Variants in POLR2B observed in about 807,000 individuals in gnomAD.
POLR2B encodes the protein RNA polymerase II subunit B.
POLR2B carries 57 observed loss-of-function variants against 144.6 expected under a neutral mutation model. The ratio of observed to expected loss-of-function variants is 0.39; its 90% CI spans 0.32 to 0.49. POLR2B has a LOEUF of 0.49. Ranked by LOEUF, POLR2B falls within the 20% of genes least tolerant of loss-of-function variation. POLR2B has a pLI of 0.83. For missense variants in POLR2B, 595 were observed against 1,467.4 expected (o/e 0.41, Z 9.71); for synonymous variants, 442 against 469.8 (o/e 0.94, Z 0.77).
At chr4:57,027,731 G>C (rs949754766) in intron 23 of POLR2B, among the ~76,000 whole-genome samples, 4 of 152,208 alleles carry the variant, frequency 2.6e-5, no homozygotes, top group African/African-American at 9.7e-5. Flanking sequence ...AAGTTCATTG[G>C]TTTGTCTTGT....
chr4:57,009,158 G>A (rs942898825), intron 10 of POLR2B, among the ~76,000 whole-genome samples: 2 of 152,204 alleles, frequency 1.3e-5, no homozygotes, highest in African/African-American at 2.4e-5. Context: ...GTAAGACTTT[G>A]TGATTGATTA....
intron 1 of POLR2B, among the ~76,000 whole-genome samples, chr4:56,983,258 C>A (rs926543505): frequency 6.6e-6 from 1 of 151,630 alleles, no homozygotes; most frequent in African/African-American, 2.4e-5. Flanking sequence ...ATTATGGGGT[C>A]TTTTGCACAA....
At chr4:57,025,113 T>C in intron 22 of POLR2B, 114 bp downstream of exon 22, 5 of 639,388 alleles carry the variant, frequency 7.8e-6, no homozygotes, top group Middle Eastern at 4.0e-4. Flanking sequence ...CATATAGAAA[T>C]GTACAGCTTG....
At position 57,017,547 on chromosome 4, in the gene POLR2B, T is replaced by A. The variant is rs1338160781; in HGVS notation, c.2155-13T>A. The A allele has an allele frequency of 6.4e-7, 1 of 1,565,888 alleles. No homozygotes were observed. The highest frequency in any genetic ancestry group is 1.4e-5 in the African/African-American group (1 of 72,528). ...AACTTTTTGTTGTTTCTGCTTTTCA[T>A]TTTTACGTTTAGTCCCCTAGAAACA... On this transcript the variant is annotated splice_polypyrimidine_tract_variant and intron_variant, in intron 15 of 24. Transcript: ENST00000314595. This position sits in a 1 kb window ranked among gnomAD's most constrained non-coding sequence, Gnocchi z 4.8.
chr4:57,013,205 G>A (rs1723249073), intron 13 of POLR2B, among the ~76,000 whole-genome samples: 1 of 152,096 alleles, frequency 6.6e-6, no homozygotes, highest in Admixed American at 6.6e-5. Flanking sequence ...TTGAAGTCCT[G>A]GGCTCAAGCC....
chr4:57,029,500 T>C (rs2109728455), intron 23 of POLR2B, among the ~76,000 whole-genome samples: 1 of 152,294 alleles, frequency 6.6e-6, no homozygotes, highest in South Asian at 2.1e-4. Context: ...TATAAACCCA[T>C]TGGTTTTATT....
At chr4:57,027,224 G>GC (rs1230628205) in intron 23 of POLR2B, among the ~76,000 whole-genome samples, 4 of 152,066 alleles carry the variant, frequency 2.6e-5, no homozygotes, top group African/African-American at 4.8e-5. Flanking sequence ...GCCCAGGCTG[G>GC]TCTCAAATGG....
Position 56,996,276 on chromosome 4 carries a change from A to ATTTTTTTT in POLR2B, c.735+868_735+869insTTTTTTTT, listed in dbSNP as rs1560474600. Among the ~76,000 whole-genome samples the ATTTTTTTT allele has an allele frequency of 1.6e-4, 14 of 85,574 alleles. No individual in the cohort carries two copies. In the East Asian group the frequency reaches 1.8e-3, roughly 11 times the overall value. 56.1% of individuals were successfully genotyped at this position (85,574 alleles called of 152,430 possible). A position where few individuals can be genotyped will look rare whatever the true frequency, so the allele number is the denominator to read the frequency against. On this transcript the variant is annotated intron_variant, in intron 6 of 24. Transcript: ENST00000314595. ...TGTGTGTGTGTGTATATATATATATATATTTTTTTTTTTTTTTTTTTTTGA... is the reference window on the plus strand; with the variant it reads ...TGTGTGTGTGTGTATATATATATATATTTTTTTTTATTTTTTTTTTTTTTTTTTTTTGA...
chr4:57,005,559 G>C, intron 8 of POLR2B, 41 bp from the exon 9 acceptor site: 2 of 1,537,858 alleles, frequency 1.3e-6, no homozygotes, highest in South Asian at 2.6e-5. Flanking sequence ...CCAAAACTAA[G>C]TGTTTTCCCT....
At chr4:57,028,030 G>A (rs1236778977) in intron 23 of POLR2B, among the ~76,000 whole-genome samples, 1 of 152,116 alleles carries the variant, frequency 6.6e-6, no homozygotes, top group Non-Finnish European at 1.5e-5. Context: ...TTTCCTCAAA[G>A]ACTTACTTTT....
At chr4:56,989,052 C>A (rs1206121319) in intron 2 of POLR2B, among the ~76,000 whole-genome samples, 1 of 152,008 alleles carries the variant, frequency 6.6e-6, no homozygotes, top group Non-Finnish European at 1.5e-5. Context: ...TTTTTAATAT[C>A]AAGTGATCTT....
chr4:57,021,095 C>G lies in POLR2B; in HGVS notation c.2420+100C>G, dbSNP rs964918897. 14 of 714,834 alleles carry G rather than the reference C, an allele frequency of 2.0e-5. No individual in the cohort carries two copies. The African/African-American group carries it at 2.1e-4, about 11-fold the overall frequency. The allele number at this position is 714,834 out of a possible 1,614,324, so 44.3% of individuals were successfully genotyped here. A position where few individuals can be genotyped will look rare whatever the true frequency, so the allele number is the denominator to read the frequency against. On this transcript the variant is annotated intron_variant, in intron 17 of 24. Coordinates refer to ENST00000314595, the MANE Select transcript of POLR2B (RefSeq NM_000938.3). ...AATACAGTTTAACTACGCCGCACTC[C>G]AGAAAGTGGAAGGACTGGTTGATGG...
chr4:57,021,150 C>T (rs1181579920), intron 17 of POLR2B, among the ~76,000 whole-genome samples, 155 bp downstream of exon 17: 1 of 151,596 alleles, frequency 6.6e-6, no homozygotes, highest in African/African-American at 2.4e-5. Flanking sequence ...CTACTTGTAT[C>T]TCTCAGGATT....
At chr4:57,005,794 G>C in intron 9 of POLR2B, 75 bp downstream of exon 9, 1 of 1,362,652 alleles carries the variant, frequency 7.3e-7, no homozygotes, top group Non-Finnish European at 1.0e-6. Flanking sequence ...CATATGGCCA[G>C]GCTAAACTGT....
rs1430964965 is a variant in POLR2B at position 57,010,309 on chromosome 4, A to G, written c.1405-52A>G. On this transcript the variant is annotated intron_variant, in intron 10 of 24. Transcript: ENST00000314595. Reference sequence around the variant, plus strand: ...AAATATGACTTTGCCTCAGTGTAATAGTATGAATCACAGAAATGTCCAGAC... The same window carrying G: ...AAATATGACTTTGCCTCAGTGTAATGGTATGAATCACAGAAATGTCCAGAC... 9.7e-6 allele frequency: 15 copies of G among 1,541,968 alleles called. No homozygotes were observed. The East Asian group carries it at 3.1e-4, about 32-fold the overall frequency.
At chr4:56,999,274 G>C (rs183086428) in intron 6 of POLR2B, among the ~76,000 whole-genome samples, 36 of 151,128 alleles carry the variant, frequency 2.4e-4, no homozygotes, top group African/African-American at 8.5e-4. Flanking sequence ...TTTTTTGGAG[G>C]GGGGATAGGT....
chr4:57,017,578 C>T lies in POLR2B; in HGVS notation c.2173C>T (p.Gln725Ter). 1.2e-6 allele frequency: 2 copies of T among 1,608,932 alleles called. No homozygotes were observed. The highest frequency in any genetic ancestry group is 1.7e-6 in the Non-Finnish European group (2 of 1,178,584). Residue 725 changes from glutamine to a stop codon, truncating the protein, a stop_gained, in exon 16 of 25, where the codon CAG becomes TAG. Coordinates refer to ENST00000314595, the MANE Select transcript of POLR2B (RefSeq NM_000938.3). LOFTEE classifies it high-confidence loss of function. The surrounding 1 kb of genome is among the most constrained non-coding windows in gnomAD (Gnocchi z 4.8). ...CGTTTAGTCCCCTAGAAACACATAC[C>T]AGTCTGCTATGGGTAAGCAGGCTAT... is the stretch of plus-strand genomic sequence containing the variant. ...DHNQSPRNTY[Q>*]SAMGKQAMGV...
Position 56,995,247 on chromosome 4 carries a change from A to G in POLR2B, c.577-4A>G, listed in dbSNP as rs747153437. 7 of 1,602,178 alleles carry G rather than the reference A, an allele frequency of 4.4e-6. No individual in the cohort carries two copies. The African/African-American group carries it at 6.7e-5, about 15-fold the overall frequency. On this transcript the variant is annotated splice_region_variant and splice_polypyrimidine_tract_variant and intron_variant, in intron 5 of 24. Coordinates refer to ENST00000314595, the MANE Select transcript of POLR2B (RefSeq NM_000938.3). ...TGGCTGTAACTTTCTTATTGTCCAAATAGGTTCTGATTGCCCAAGAGAAAA... is the reference window on the plus strand; with the variant it reads ...TGGCTGTAACTTTCTTATTGTCCAAGTAGGTTCTGATTGCCCAAGAGAAAA...
At chr4:57,007,428 A>T (rs950250835) in intron 10 of POLR2B, among the ~76,000 whole-genome samples, 1 of 152,212 alleles carries the variant, frequency 6.6e-6, no homozygotes, top group Non-Finnish European at 1.5e-5. Context: ...AAAACAAAAA[A>T]AAAAACTTAC....
Sources: allele counts gnomAD v4.1 joint callset (sites outside exome capture counted in the v4.1 genomes callset), GRCh38; gene constraint gnomAD v4.1.1; non-coding constraint Gnocchi (gnomAD v3.1); transcripts MANE v1.5; gene names NCBI Gene and HGNC (gene_info 2026-07-23, HGNC 2026-07-21).